HS6ST1: variants seen among roughly 807,000 people sequenced by gnomAD.
HS6ST1 encodes heparan sulfate 6-O-sulfotransferase 1.
HS6ST1 carries 3 observed loss-of-function variants against 25.2 expected under a neutral mutation model. That is an observed-to-expected ratio of 0.12 (90% CI 0.05 to 0.31). The LOEUF is 0.31. HS6ST1 is among the 10% of genes least tolerant of loss of function. The pLI is 1.00. For synonymous variants in HS6ST1, 204 were observed against 275.1 expected (o/e 0.74, Z 2.56); for missense variants, 310 against 609.6 (o/e 0.51, Z 5.18).
intron 1 of HS6ST1, among the ~76,000 whole-genome samples, chr2:128,311,894 A>G (rs1694295609): frequency 6.6e-6 from 1 of 152,182 alleles, no homozygotes; most frequent in Admixed American, 6.5e-5. Flanking sequence ...GGGAGGTGGC[A>G]GAAGGGGTGG....
intron 1 of HS6ST1, among the ~76,000 whole-genome samples, chr2:128,295,987 T>A (rs778732352): frequency 6.6e-6 from 1 of 152,184 alleles, no homozygotes; most frequent in African/African-American, 2.4e-5. Flanking sequence ...AATTAGGTCA[T>A]GAGGGTGGAG....
chr2:128,307,113 A>G (rs1006268225), intron 1 of HS6ST1, among the ~76,000 whole-genome samples: 5 of 151,988 alleles, frequency 3.3e-5, no homozygotes, highest in East Asian at 3.9e-4. Flanking sequence ...TTCCAACTCA[A>G]TCTCAAAGGG....
At chr2:128,285,832 C>T (rs1482590858) in intron 1 of HS6ST1, among the ~76,000 whole-genome samples, 2 of 152,222 alleles carry the variant, frequency 1.3e-5, no homozygotes, top group East Asian at 3.8e-4. Context: ...TGAGGGCCTC[C>T]ACCCCACCCT....
At chr2:128,300,660 C>T (rs541894169) in intron 1 of HS6ST1, among the ~76,000 whole-genome samples, 1 of 152,290 alleles carries the variant, frequency 6.6e-6, no homozygotes, top group African/African-American at 2.4e-5. Context: ...GTGGGCGGAC[C>T]ACCTTGAGTT....
intron 1 of HS6ST1, among the ~76,000 whole-genome samples, chr2:128,277,653 C>T (rs991281977): frequency 6.6e-6 from 1 of 152,212 alleles, no homozygotes; most frequent in Non-Finnish European, 1.5e-5. Flanking sequence ...AGGACATGGC[C>T]AGTGAGGCTA....
chr2:128,275,020 G>A (rs969095825), intron 1 of HS6ST1, among the ~76,000 whole-genome samples: 6 of 150,106 alleles, frequency 4.0e-5, no homozygotes, highest in Non-Finnish European at 7.4e-5. Flanking sequence ...ATGGACAGAT[G>A]GCCTGACACA....
In HS6ST1 at chr2:128,267,254, AAGG is replaced by A. The variant is rs1342285939; in HGVS notation, c.*905_*907del. ...TGCTAGCAAATCCCAGTGGGTCAGA[AAGG>A]AGAACAGAGGCAGGGGAGCCCTCGG... On this transcript the variant is annotated 3_prime_UTR_variant, in exon 2 of 2. Transcript: ENST00000259241. The A allele has an allele frequency of 3.9e-5, 6 of 152,164 alleles. No individual in the cohort carries two copies. The highest frequency in any genetic ancestry group is 5.9e-5 in the Non-Finnish European group (4 of 67,988). 9.4% of individuals were successfully genotyped at this position (152,164 alleles called of 1,614,324 possible).
At position 128,318,840 on chromosome 2, in the gene HS6ST1, T is replaced by C. The variant is rs1457947248; in HGVS notation, c.-277A>G. ...CTCCGCGCCCCCAGCACCAGCCCGCTCCGCTCCACTCCGCGCCGAGAACGC... is the reference window on the plus strand; with the variant it reads ...CTCCGCGCCCCCAGCACCAGCCCGCCCCGCTCCACTCCGCGCCGAGAACGC... On this transcript the variant is annotated 5_prime_UTR_variant, in exon 1 of 2. Transcript: ENST00000259241. The surrounding 1 kb of genome is among the most constrained non-coding windows in gnomAD (Gnocchi z 5.7). Among the ~76,000 whole-genome samples the C allele has an allele frequency of 6.9e-6, 1 of 145,562 alleles. No individual in the cohort carries two copies. Among genetic ancestry groups the C allele is most frequent in the Non-Finnish European group, 1.5e-5 (1 of 65,990 alleles).
rs1259140332 is a variant in HS6ST1, at chr2:128,318,824, C to T, written c.-261G>A. Among the ~76,000 whole-genome samples the T allele has an allele frequency of 6.8e-6, 1 of 147,678 alleles. No homozygotes were observed. Among genetic ancestry groups the T allele is most frequent in the African/African-American group, 2.4e-5 (1 of 40,946 alleles). On this transcript the variant is annotated 5_prime_UTR_variant, in exon 1 of 2. Transcript: ENST00000259241. The surrounding 1 kb of genome is among the most constrained non-coding windows in gnomAD (Gnocchi z 5.7). ...CGGCCAGCACAGCGCTCTCCGCGCC[C>T]CCAGCACCAGCCCGCTCCGCTCCAC... is the stretch of plus-strand genomic sequence containing the variant.
rs557526954 is a variant in HS6ST1, at chr2:128,268,253, C to T, written c.1145G>A (p.Arg382Gln). The part of the protein sequence containing the change: ...LRSREERLLH[R>Q]AKEALPREDA... ...CTCCCGCGGCAGTGCCTCCTTGGCCCGGTGCAGCAGACGCTCCTCGCGGCT... is the reference window on the plus strand; with the variant it reads ...CTCCCGCGGCAGTGCCTCCTTGGCCTGGTGCAGCAGACGCTCCTCGCGGCT... Residue 382 changes from arginine (R) to glutamine (Q), a missense_variant, in exon 2 of 2, where the codon CGG becomes CAG. This residue lies in a region of HS6ST1 where 140 missense variants were observed against 176.5 expected (regional missense o/e 0.79). Transcript: ENST00000259241. 6.8e-5 allele frequency: 110 copies of T among 1,611,562 alleles called. No individual in the cohort carries two copies. The highest frequency in any genetic ancestry group is 3.5e-4 in the South Asian group (32 of 90,990).
intron 1 of HS6ST1, among the ~76,000 whole-genome samples, chr2:128,273,751 C>T (rs992060952): frequency 4.6e-5 from 7 of 152,264 alleles, no homozygotes; most frequent in African/African-American, 1.7e-4. Context: ...CCAGACGCAT[C>T]TGCTGTTTAC....
At chr2:128,297,786 A>T (rs1694062485) in intron 1 of HS6ST1, among the ~76,000 whole-genome samples, 1 of 152,244 alleles carries the variant, frequency 6.6e-6, no homozygotes, top group Non-Finnish European at 1.5e-5. Flanking sequence ...GTGAGCCGAG[A>T]TGACACCATT....
At chr2:128,308,014 A>G (rs951331020) in intron 1 of HS6ST1, among the ~76,000 whole-genome samples, 1 of 152,238 alleles carries the variant, frequency 6.6e-6, no homozygotes, top group African/African-American at 2.4e-5. Flanking sequence ...ATCTCAAAAC[A>G]AGGCTGAGTG....
At chr2:128,294,747 C>T (rs1331054144) in intron 1 of HS6ST1, among the ~76,000 whole-genome samples, 2 of 151,738 alleles carry the variant, frequency 1.3e-5, no homozygotes, top group East Asian at 1.9e-4. Flanking sequence ...CTTCGGACCA[C>T]CCTCCCACAC....
At chr2:128,275,210 G>A (rs375818295) in intron 1 of HS6ST1, among the ~76,000 whole-genome samples, 14 of 152,240 alleles carry the variant, frequency 9.2e-5, no homozygotes, top group South Asian at 2.1e-4. Context: ...TTGCCTCAGC[G>A]GTAAATGATG....
At chr2:128,286,314 C>T (rs952669435) in intron 1 of HS6ST1, among the ~76,000 whole-genome samples, 1 of 152,242 alleles carries the variant, frequency 6.6e-6, no homozygotes, top group African/African-American at 2.4e-5. Flanking sequence ...GTCCTGCTCT[C>T]ACAGCATCCT....
At chr2:128,290,187 G>A (rs555033093) in intron 1 of HS6ST1, 1 of 152,156 alleles carries the variant, frequency 6.6e-6, no homozygotes, top group African/African-American at 2.4e-5. Context: ...CCATTTCAAC[G>A]ACTTTGTAAG....
chr2:128,287,506 T>A (rs1269505541), intron 1 of HS6ST1, among the ~76,000 whole-genome samples: 1 of 152,130 alleles, frequency 6.6e-6, no homozygotes, highest in Non-Finnish European at 1.5e-5. Context: ...CTAGCAGGTG[T>A]CAGGTAAGGC....
rs112952610 is a variant in HS6ST1 at position 128,296,651 on chromosome 2, C to T, written c.527+21386G>A. Among the ~76,000 whole-genome samples the T allele has an allele frequency of 5.9e-5, 9 of 152,246 alleles. 2 individuals carry two copies. Among genetic ancestry groups the T allele is most frequent in the South Asian group, 2.1e-4 (1 of 4,820 alleles). Reference sequence around the variant, plus strand: ...AAAGTGTAAAATATTTAGGAGGAGACTTAACCAATGAAGTGAAATACTTGT... The same window carrying T: ...AAAGTGTAAAATATTTAGGAGGAGATTTAACCAATGAAGTGAAATACTTGT... On this transcript the variant is annotated intron_variant, in intron 1 of 1. Transcript: ENST00000259241.
Sources: gnomAD v4.1 joint callset for allele counts (sites outside exome capture counted in the v4.1 genomes callset) on GRCh38, gnomAD v4.1.1 for gene constraint, gnomAD v4.1.1 regional missense constraint, Gnocchi (gnomAD v3.1) non-coding constraint, MANE v1.5 for transcripts, NCBI Gene and HGNC (gene_info 2026-07-23, HGNC 2026-07-21) for gene names.